The following SETBP1 variants were observed in gnomAD, a reference collection of about 807,000 sequenced individuals.
SETBP1 encodes SET binding protein 1, also known as SET-binding protein.
SETBP1 carries 9 observed loss-of-function variants against 101.0 expected under a neutral mutation model. That is an observed-to-expected ratio of 0.09 (90% confidence interval 0.05 to 0.16). The LOEUF (loss-of-function observed/expected upper bound fraction) is 0.16. SETBP1 is among the 10% of genes least tolerant of loss of function. The pLI is 1.00. For missense variants in SETBP1, 1,858 were observed against 2,033.8 expected (o/e 0.91, Z 1.66); for synonymous variants, 818 against 788.5 (o/e 1.04, Z -0.63).
intron 2 of SETBP1, among the ~76,000 whole-genome samples, chr18:44,767,837 C>G (rs1342938132): frequency 6.6e-6 from 1 of 152,088 alleles, no homozygotes; most frequent in African/African-American, 2.4e-5. Flanking sequence ...TCAAACAAGC[C>G]TTTGATATAC....
chr18:44,736,266 C>T (rs1295627334), intron 2 of SETBP1, among the ~76,000 whole-genome samples: 1 of 152,156 alleles, frequency 6.6e-6, no homozygotes, highest in African/African-American at 2.4e-5. Context: ...GTCATCCCAG[C>T]TACTCAGGAT....
chr18:44,790,992 A>G (rs1376733438), intron 2 of SETBP1, among the ~76,000 whole-genome samples: 2 of 152,208 alleles, frequency 1.3e-5, no homozygotes, highest in African/African-American at 4.8e-5. Flanking sequence ...GCTGTTCCCA[A>G]TACTATTGTA....
At chr18:44,885,232 T>G (rs2069614565) in intron 3 of SETBP1, among the ~76,000 whole-genome samples, 1 of 152,184 alleles carries the variant, frequency 6.6e-6, no homozygotes, top group African/African-American at 2.4e-5. Flanking sequence ...GATCAACATT[T>G]TGAAAATCAT....
At chr18:44,780,193 G>A (rs559641831) in intron 2 of SETBP1, among the ~76,000 whole-genome samples, 51 of 152,174 alleles carry the variant, frequency 3.4e-4, no homozygotes, top group African/African-American at 1.2e-3. Context: ...AGACTGTATT[G>A]TGCCCCAAAT....
Position 45,063,110 on chromosome 18 carries a change from G to T in SETBP1, c.4203G>T (p.Arg1401=), listed in dbSNP as rs763421533. 23 of 1,613,988 alleles carry T rather than the reference G, an allele frequency of 1.4e-5. No homozygotes were observed. The highest frequency in any genetic ancestry group is 1.9e-5 in the Non-Finnish European group (23 of 1,180,016). The change falls in exon 6 of 6, where the codon CGG becomes CGT. Residue 1401 remains arginine, a synonymous_variant. Coordinates refer to ENST00000649279, the MANE Select transcript of SETBP1 (RefSeq NM_015559.3). ...CCTCCCTGAAGAAGAGGTTCAAGCGGCGGGAGATCGAAGCCATCCAGTGCG... is the reference window on the plus strand; with the variant it reads ...CCTCCCTGAAGAAGAGGTTCAAGCGTCGGGAGATCGAAGCCATCCAGTGCG... ...VGSSLKKRFK[R]REIEAIQCEV...
At chr18:44,752,283 C>T (rs1230933230) in intron 2 of SETBP1, among the ~76,000 whole-genome samples, 1 of 152,158 alleles carries the variant, frequency 6.6e-6, no homozygotes, top group African/African-American at 2.4e-5. Flanking sequence ...TTGATCATTA[C>T]ATTGATTGGT....
At chr18:44,775,595 T>C (rs2070982482) in intron 2 of SETBP1, among the ~76,000 whole-genome samples, 1 of 152,192 alleles carries the variant, frequency 6.6e-6, no homozygotes, top group Non-Finnish European at 1.5e-5. Context: ...TTGTTTTTTT[T>C]CTATAGTTTT....
At chr18:44,960,027 C>T (rs2145146377) in intron 4 of SETBP1, among the ~76,000 whole-genome samples, 1 of 152,238 alleles carries the variant, frequency 6.6e-6, no homozygotes, top group South Asian at 2.1e-4. Flanking sequence ...TTGTCTCAGC[C>T]TCCCAAGTAA....
chr18:44,937,340 A>T (rs2070983534), intron 3 of SETBP1, among the ~76,000 whole-genome samples: 1 of 150,388 alleles, frequency 6.6e-6, no homozygotes, highest in African/African-American at 2.4e-5. Flanking sequence ...CTGTAGTCCC[A>T]GCTACTTGGG....
intron 3 of SETBP1, among the ~76,000 whole-genome samples, chr18:44,896,523 G>A (rs1188420579): frequency 6.6e-6 from 1 of 152,048 alleles, no homozygotes; most frequent in Non-Finnish European, 1.5e-5. Context: ...TGTTTTGTTT[G>A]TTGGATTTTT....
chr18:44,777,983 T>C (rs2071039782), intron 2 of SETBP1, among the ~76,000 whole-genome samples: 1 of 152,230 alleles, frequency 6.6e-6, no homozygotes, highest in Admixed American at 6.5e-5. Context: ...TTTCTGGAAT[T>C]TCACTGACAG....
intron 2 of SETBP1, among the ~76,000 whole-genome samples, chr18:44,853,413 G>A (rs1029805401): frequency 6.6e-6 from 1 of 152,190 alleles, no homozygotes. Context: ...GATATCACAG[G>A]ATGGAGGGAA....
chr18:44,966,598 A>G (rs1204859781), intron 4 of SETBP1, among the ~76,000 whole-genome samples: 1 of 152,190 alleles, frequency 6.6e-6, no homozygotes, highest in Non-Finnish European at 1.5e-5. Flanking sequence ...TACCCTTTTC[A>G]TAGCTTATAC....
At chr18:44,844,341 G>GCA (rs1172217903) in intron 2 of SETBP1, among the ~76,000 whole-genome samples, 11 of 50,696 alleles carry the variant, frequency 2.2e-4, no homozygotes, top group East Asian at 9.7e-4. Flanking sequence ...ACACACACGT[G>GCA]CACACACGCG....
intron 3 of SETBP1, among the ~76,000 whole-genome samples, chr18:44,912,681 T>C (rs1454501085): frequency 6.6e-6 from 1 of 152,110 alleles, no homozygotes. Context: ...CCTCCTAAAG[T>C]GCTGGGATTA....
At chr18:44,739,984 G>T (rs1414277217) in intron 2 of SETBP1, among the ~76,000 whole-genome samples, 1 of 152,204 alleles carries the variant, frequency 6.6e-6, no homozygotes, top group African/African-American at 2.4e-5. Context: ...TCTTTGGAAT[G>T]CCAGAGGATG....
intron 2 of SETBP1, among the ~76,000 whole-genome samples, chr18:44,730,213 A>G (rs2069807266): frequency 6.6e-6 from 1 of 152,220 alleles, no homozygotes; most frequent in East Asian, 1.9e-4. Context: ...ATGAAGAAAA[A>G]TTATATAATA....
intron 3 of SETBP1, chr18:44,870,530 G>A (rs1172168570): frequency 2.0e-5 from 3 of 152,190 alleles, no homozygotes; most frequent in African/African-American, 4.8e-5. Flanking sequence ...GAGATGGCCA[G>A]TAAGCCTTTT....
intron 2 of SETBP1, among the ~76,000 whole-genome samples, chr18:44,861,138 A>G (rs549144307): frequency 6.7e-6 from 1 of 149,868 alleles, no homozygotes; most frequent in Non-Finnish European, 1.5e-5. Flanking sequence ...CCTCTCACTC[A>G]CCTCACAATC....
Sources: gnomAD v4.1 joint callset for allele counts (sites outside exome capture counted in the v4.1 genomes callset) on GRCh38, gnomAD v4.1.1 for gene constraint, MANE v1.5 for transcripts, NCBI Gene and HGNC (gene_info 2026-07-23, HGNC 2026-07-21) for gene names.